The following SLC25A12 variants were observed in gnomAD, a reference collection of about 807,000 sequenced individuals.
The protein encoded by SLC25A12 is solute carrier family 25 member 12, also known as electrogenic aspartate/glutamate antiporter SLC25A12, mitochondrial.
A neutral mutation model predicts 83.3 loss-of-function variants in SLC25A12; 32 were observed. The ratio of observed to expected loss-of-function variants is 0.38; its 90% CI spans 0.29 to 0.52. The LOEUF (loss-of-function observed/expected upper bound fraction) is 0.52, where lower values mean the gene tolerates loss of function less well. Among genes scored for constraint, SLC25A12 ranks in the 20% least tolerant of loss-of-function variants. The probability of loss-of-function intolerance (pLI) is 0.84; values close to 1 mark genes in which losing one functional copy is unlikely to be tolerated. For synonymous variants in SLC25A12, 267 were observed against 291.1 expected, an observed-to-expected ratio of 0.92 and a Z score of 0.84; for missense variants, 611 against 835.6, an observed-to-expected ratio of 0.73 and a Z score of 3.31.
chr2:171,836,030 C>A (rs1371959814), intron 6 of SLC25A12, among the ~76,000 whole-genome samples: 1 of 152,130 alleles, frequency 6.6e-6, no homozygotes, highest in African/African-American at 2.4e-5. Flanking sequence ...GTACTGAGCC[C>A]CTCCCTCTAG....
At chr2:171,791,323 A>C (rs914430683) in intron 15 of SLC25A12, 128 bp downstream of exon 15, 13 of 814,214 alleles carry the variant, frequency 1.6e-5, no homozygotes, top group Non-Finnish European at 2.3e-5. Context: ...AAGGAGAAAA[A>C]GTGATATTTA....
In SLC25A12 at chr2:171,825,931, T is replaced by C. The variant is rs186942201; in HGVS notation, c.930+867A>G. Among the ~76,000 whole-genome samples, 7 of 152,362 alleles carry C rather than the reference T, an allele frequency of 4.6e-5. No individual in the cohort carries two copies. The East Asian group carries it at 7.7e-4, about 17-fold the overall frequency. ...CAGAAATGGGATTGTATTAATTTTA[T>C]AGGACTCAGAAGCTACTGTTTTAAT... On this transcript the variant is annotated intron_variant, in intron 9 of 17. Transcript: ENST00000422440.
At chr2:171,849,778 G>A (rs1390706189) in intron 4 of SLC25A12, among the ~76,000 whole-genome samples, 10 of 151,978 alleles carry the variant, frequency 6.6e-5, no homozygotes, top group Admixed American at 1.3e-4. Flanking sequence ...GGATGGTCTC[G>A]ATCTCCTGAC....
At chr2:171,893,970 T>A (rs929353409) in intron 1 of SLC25A12, among the ~76,000 whole-genome samples, 11 of 152,028 alleles carry the variant, frequency 7.2e-5, no homozygotes, top group African/African-American at 2.7e-4. Flanking sequence ...CACTGACCCG[T>A]GTTACCGTAC....
intron 4 of SLC25A12, chr2:171,848,119 T>G (rs1684838071): frequency 2.1e-6 from 1 of 467,264 alleles, no homozygotes; most frequent in African/African-American, 2.0e-5. Context: ...CCTCCCCTGG[T>G]TCTTATGGGC....
At chr2:171,878,994 C>T (rs926189122) in intron 2 of SLC25A12, among the ~76,000 whole-genome samples, 10 of 152,138 alleles carry the variant, frequency 6.6e-5, no homozygotes, top group Non-Finnish European at 1.3e-4. Flanking sequence ...TTAAACAGTA[C>T]AATGTGTAAT....
Position 171,893,237 on chromosome 2 carries a change from C to T in SLC25A12, c.34G>A (p.Asp12Asn). The change falls in exon 2 of 18, where the codon GAT becomes AAT. Residue 12 changes from aspartate (D) to asparagine (N), a missense_variant. Coordinates refer to ENST00000422440, the MANE Select transcript of SLC25A12 (RefSeq NM_003705.5). Reference sequence around the variant, plus strand: ...AATATGTTTCTTAACTCATGAGGATCCCCTCGCTTAGTTGTCTGCACCTGT... The same window carrying T: ...AATATGTTTCTTAACTCATGAGGATTCCCTCGCTTAGTTGTCTGCACCTGT... ...AVKVQTTKRG[D>N]PHELRNIFLQ... is the part of the protein sequence containing the mutation. 6.2e-7 allele frequency: 1 copy of T among 1,614,068 alleles called. No homozygotes were observed. Among genetic ancestry groups the T allele is most frequent in the Non-Finnish European group, 8.5e-7 (1 of 1,180,004 alleles).
intron 8 of SLC25A12, among the ~76,000 whole-genome samples, chr2:171,831,134 T>C (rs2105883026): frequency 6.6e-6 from 1 of 152,360 alleles, no homozygotes; most frequent in East Asian, 1.9e-4. Flanking sequence ...GTTTTGTTTT[T>C]CTTCTCAGTT....
At chr2:171,876,543 T>TTGG (rs1553477080) in intron 2 of SLC25A12, among the ~76,000 whole-genome samples, 3 of 29,522 alleles carry the variant, frequency 1.0e-4, no homozygotes, top group African/African-American at 1.7e-4. Context: ...TTTTTTTTTT[T>TTGG]GGGGGGGGGG....
chr2:171,890,511 C>G (rs1480833618), intron 2 of SLC25A12, among the ~76,000 whole-genome samples: 1 of 151,318 alleles, frequency 6.6e-6, no homozygotes, highest in African/African-American at 2.4e-5. Flanking sequence ...GTAACAAGGT[C>G]TTGCTCTGTT....
At chr2:171,888,343 C>T (rs1241983986) in intron 2 of SLC25A12, among the ~76,000 whole-genome samples, 1 of 151,824 alleles carries the variant, frequency 6.6e-6, no homozygotes, top group African/African-American at 2.4e-5. Context: ...AAGTGATCCT[C>T]CCACCTCAGC....
At chr2:171,882,421 A>G (rs1375161384) in intron 2 of SLC25A12, among the ~76,000 whole-genome samples, 7 of 152,234 alleles carry the variant, frequency 4.6e-5, no homozygotes, top group Non-Finnish European at 7.3e-5. Flanking sequence ...TAACCTAGAA[A>G]TTGGAGAAAC....
chr2:171,823,624 C>T (rs1412776606), intron 9 of SLC25A12, among the ~76,000 whole-genome samples: 1 of 152,132 alleles, frequency 6.6e-6, no homozygotes, highest in Non-Finnish European at 1.5e-5. Context: ...TGTACCTAAT[C>T]CTCAGTAGAA....
chr2:171,858,030 C>T (rs977044221), intron 3 of SLC25A12, among the ~76,000 whole-genome samples: 2 of 152,074 alleles, frequency 1.3e-5, no homozygotes, highest in African/African-American at 2.4e-5. Flanking sequence ...CAAAACTACA[C>T]AGAAATTGCC....
At chr2:171,823,991 G>A (rs1295000050) in intron 9 of SLC25A12, among the ~76,000 whole-genome samples, 1 of 151,816 alleles carries the variant, frequency 6.6e-6, no homozygotes, top group Non-Finnish European at 1.5e-5. Flanking sequence ...TTCCTTTGGG[G>A]ACAATGTAAG....
At position 171,837,387 on chromosome 2, in the gene SLC25A12, G is replaced by T. The variant is rs538436334; in HGVS notation, c.466-120C>A. On this transcript the variant is annotated intron_variant, in intron 5 of 17. Transcript: ENST00000422440. Reference sequence around the variant, plus strand: ...ATGTACTTACTACAAAACAAACAATGCACAGATCTGAATTTGCAACAAAAC... The same window carrying T: ...ATGTACTTACTACAAAACAAACAATTCACAGATCTGAATTTGCAACAAAAC... 1.6e-5 allele frequency: 17 copies of T among 1,041,960 alleles called. No homozygotes were observed. In the African/African-American group the frequency reaches 2.7e-4, roughly 16 times the overall value. The allele number at this position is 1,041,960 out of a possible 1,614,324, so 64.5% of individuals were successfully genotyped here.
chr2:171,787,452 GT>G, intron 17 of SLC25A12, 118 bp downstream of exon 17: 2 of 842,886 alleles, frequency 2.4e-6, no homozygotes, highest in Non-Finnish European at 4.2e-6. Flanking sequence ...AAATGCATTG[GT>G]CTTAAAGGTT....
At chr2:171,817,341 C>T (rs1349359556) in intron 9 of SLC25A12, among the ~76,000 whole-genome samples, 1 of 152,066 alleles carries the variant, frequency 6.6e-6, no homozygotes, top group Non-Finnish European at 1.5e-5. Flanking sequence ...GTGGCTCATA[C>T]CTGTAATCTG....
At chr2:171,834,101 T>C (rs772920080) in intron 7 of SLC25A12, 45 bp from the exon 8 acceptor site, 6 of 1,100,446 alleles carry the variant, frequency 5.5e-6, no homozygotes, top group African/African-American at 1.5e-5. Context: ...TGATTCTTAA[T>C]ATATAACAAA....
Sources: gnomAD v4.1 joint callset for allele counts (sites outside exome capture counted in the v4.1 genomes callset) on GRCh38, gnomAD v4.1.1 for gene constraint, MANE v1.5 for transcripts, NCBI Gene and HGNC (gene_info 2026-07-23, HGNC 2026-07-21) for gene names.